ANKS6: variants seen among roughly 807,000 people sequenced by gnomAD.
ANKS6 encodes ankyrin repeat and sterile alpha motif domain containing 6.
Under a neutral mutation model 77.9 loss-of-function variants are expected in ANKS6, and 47 were observed. The observed-to-expected ratio is 0.60, with a 90% CI of 0.48 to 0.77. The LOEUF (loss-of-function observed/expected upper bound fraction) is 0.77, where lower values mean the gene tolerates loss of function less well. ANKS6 is among the 30% of genes least tolerant of loss of function. ANKS6 has a pLI of 0.00. For missense variants in ANKS6, 1,150 were observed against 1,159.1 expected, an observed-to-expected ratio of 0.99 and a Z score of 0.11; for synonymous variants, 488 against 501.7, an observed-to-expected ratio of 0.97 and a Z score of 0.37.
intron 13 of ANKS6, among the ~76,000 whole-genome samples, chr9:98,746,451 G>A (rs920566340): frequency 6.6e-6 from 1 of 152,206 alleles, no homozygotes; most frequent in African/African-American, 2.4e-5. Flanking sequence ...GACCAGAGGA[G>A]GGCAGTTAGC....
intron 8 of ANKS6, among the ~76,000 whole-genome samples, chr9:98,774,394 C>T (rs1462850933): frequency 1.3e-5 from 2 of 152,136 alleles, no homozygotes; most frequent in Non-Finnish European, 2.9e-5. Flanking sequence ...ACTGGGAGAA[C>T]ACAGAGGAGG....
chr9:98,735,200 G>A lies in ANKS6; in HGVS notation c.*1319C>T, dbSNP rs1402314942. The A allele has an allele frequency of 1.0e-6, 1 of 985,726 alleles. No homozygotes were observed. The highest frequency in any genetic ancestry group is 1.2e-6 in the Non-Finnish European group (1 of 830,244). 61.1% of individuals were successfully genotyped at this position (985,726 alleles called of 1,614,324 possible). ...TAAGCTCCAACTAAGAGGCCATTGA[G>A]CTTCATCTGAACTTTGAACCTGAGT... On this transcript the variant is annotated 3_prime_UTR_variant, in exon 15 of 15. Transcript: ENST00000353234.
chr9:98,749,364 G>A (rs1832308711), intron 13 of ANKS6, among the ~76,000 whole-genome samples: 1 of 152,202 alleles, frequency 6.6e-6, no homozygotes, highest in Admixed American at 6.5e-5. Context: ...TTCTAGGTGG[G>A]TGAGTTACTA....
intron 6 of ANKS6, among the ~76,000 whole-genome samples, chr9:98,779,327 A>T (rs1367315515): frequency 6.6e-6 from 1 of 152,200 alleles, no homozygotes; most frequent in Non-Finnish European, 1.5e-5. Flanking sequence ...GGAAGCTGGC[A>T]GGGCCTGTGG....
intron 14 of ANKS6, among the ~76,000 whole-genome samples, chr9:98,739,774 T>TTTTTTTTTTTTTTA (rs71369574): frequency 1.5e-5 from 2 of 129,604 alleles, no homozygotes; most frequent in African/African-American, 6.2e-5. Context: ...TTTTTTTTTT[T>TTTTTTTTTTTTTTA]GAGACGGAGT....
intron 13 of ANKS6, among the ~76,000 whole-genome samples, chr9:98,746,316 G>C (rs1588329922): frequency 6.6e-6 from 1 of 152,176 alleles, no homozygotes; most frequent in Non-Finnish European, 1.5e-5. Flanking sequence ...GGGAAGGTCA[G>C]AAGTGGCTCC....
At chr9:98,790,731 C>T (rs1189411748) in intron 1 of ANKS6, 125 bp from the exon 2 acceptor site, 10 of 1,328,348 alleles carry the variant, frequency 7.5e-6, no homozygotes, top group East Asian at 2.5e-5. Context: ...CTTATTCTGG[C>T]GCCAGGCACT....
At chr9:98,781,986 G>A (rs950035587) in intron 5 of ANKS6, among the ~76,000 whole-genome samples, 5 of 152,158 alleles carry the variant, frequency 3.3e-5, no homozygotes, top group East Asian at 1.9e-4. Flanking sequence ...GGTACCAGCC[G>A]AGGCCAAAAT....
At chr9:98,770,823 T>C (rs1833579685) in intron 10 of ANKS6, 73 bp downstream of exon 10, 15 of 1,275,388 alleles carry the variant, frequency 1.2e-5, no homozygotes, top group Non-Finnish European at 1.4e-5. Flanking sequence ...GCAACCTGAA[T>C]ATCCAGGCAG....
intron 1 of ANKS6, chr9:98,795,914 C>G: frequency 2.3e-6 from 1 of 440,006 alleles, no homozygotes; most frequent in Non-Finnish European, 3.7e-6. Flanking sequence ...AGATTCTATT[C>G]TGAAAGGCCA....
At chr9:98,748,718 T>G (rs549556164) in intron 13 of ANKS6, among the ~76,000 whole-genome samples, 1 of 152,292 alleles carries the variant, frequency 6.6e-6, no homozygotes, top group East Asian at 1.9e-4. Flanking sequence ...AGATGACTCA[T>G]CTCCAAACTT....
chr9:98,774,045 A>T lies in ANKS6; in HGVS notation c.1653T>A (p.Ser551Arg). 1 of 1,550,076 alleles carries T rather than the reference A, an allele frequency of 6.5e-7. No individual in the cohort carries two copies. Among genetic ancestry groups the T allele is most frequent in the Non-Finnish European group, 8.7e-7 (1 of 1,146,330 alleles). The change falls in exon 9 of 15, where the codon AGT (serine) becomes AGA (arginine). Residue 551 changes from serine (S) to arginine (R), a missense_variant. Physicochemically the swap from Ser to Arg is moderately radical, Grantham distance 110. Transcript: ENST00000353234. ...RNGAPLTRLP[S>R]DKLKAVIPPF... ...GGGGGATGACTGCTTTCAGCTTGTC[A>T]CTCGGGAGTCTGGTGAGGGGAGCTC...
intron 1 of ANKS6, among the ~76,000 whole-genome samples, chr9:98,795,258 C>G (rs1004116276): frequency 6.6e-6 from 1 of 152,154 alleles, no homozygotes; most frequent in East Asian, 1.9e-4. Context: ...ACCTAACCAG[C>G]CTTTTTGACT....
intron 11 of ANKS6, among the ~76,000 whole-genome samples, chr9:98,766,978 G>C (rs1833335603): frequency 6.6e-6 from 1 of 152,118 alleles, no homozygotes; most frequent in South Asian, 2.1e-4. Flanking sequence ...GCACTACTGG[G>C]GAGTCACTTG....
chr9:98,772,534 T>C (rs1300661471), intron 9 of ANKS6, among the ~76,000 whole-genome samples: 1 of 152,196 alleles, frequency 6.6e-6, no homozygotes, highest in Non-Finnish European at 1.5e-5. Context: ...AAGGTCCTCT[T>C]GTTGGTCCTC....
At chr9:98,767,358 C>A (rs907612278) in intron 11 of ANKS6, among the ~76,000 whole-genome samples, 4 of 152,160 alleles carry the variant, frequency 2.6e-5, no homozygotes, top group African/African-American at 9.7e-5. Context: ...CCCACCCACA[C>A]CCCTTTTACC....
chr9:98,763,644 T>G (rs7048734), intron 11 of ANKS6, among the ~76,000 whole-genome samples: 145,944 of 151,966 alleles, frequency 0.96, 70,328 homozygotes, highest in African/African-American at 0.99. Context: ...AGAAATCAAT[T>G]AAATTGAAAA....
intron 14 of ANKS6, among the ~76,000 whole-genome samples, chr9:98,742,258 T>C (rs337579): frequency 1 from 151,715 of 152,332 alleles, 75,550 homozygotes; most frequent in Middle Eastern, 1. Flanking sequence ...ATAGCAAAAT[T>C]AAAGAGGCAG....
intron 12 of ANKS6, among the ~76,000 whole-genome samples, chr9:98,753,441 C>G (rs892855667): frequency 3.9e-5 from 6 of 152,188 alleles, no homozygotes; most frequent in African/African-American, 7.2e-5. Flanking sequence ...ATACAACCTA[C>G]TTTTAAGTTT....
Sources: allele counts gnomAD v4.1 joint callset (sites outside exome capture counted in the v4.1 genomes callset), GRCh38; gene constraint gnomAD v4.1.1; transcripts MANE v1.5; gene names NCBI Gene and HGNC (gene_info 2026-07-23, HGNC 2026-07-21).